The following AAK1 variants were observed in gnomAD, a reference collection of about 807,000 sequenced individuals.
AAK1 encodes AP2 associated kinase 1, also known as AP2-associated protein kinase 1.
AAK1 carries 37 observed loss-of-function variants against 116.0 expected under a neutral mutation model. The observed-to-expected ratio is 0.32, with a 90% CI of 0.25 to 0.42. The LOEUF (loss-of-function observed/expected upper bound fraction) is 0.42. AAK1 is among the 10% of genes least tolerant of loss of function. AAK1 has a pLI of 1.00. For synonymous variants in AAK1, 458 were observed against 439.9 expected, an observed-to-expected ratio of 1.04 and a Z score of -0.51; for missense variants, 919 against 1,170.6, an observed-to-expected ratio of 0.79 and a Z score of 3.14.
At chr2:69,617,487 C>T (rs1324851774) in intron 2 of AAK1, among the ~76,000 whole-genome samples, 1 of 152,198 alleles carries the variant, frequency 6.6e-6, no homozygotes, top group Non-Finnish European at 1.5e-5. Flanking sequence ...TAATTTAATA[C>T]CTACTTCCTA....
intron 6 of AAK1, 78 bp from the exon 7 acceptor site, chr2:69,530,784 T>C: frequency 8.7e-7 from 1 of 1,146,912 alleles, no homozygotes; most frequent in East Asian, 2.5e-5. Context: ...AATACTTTTT[T>C]TCTTTTTACA....
At chr2:69,613,690 T>G (rs1247019560) in intron 2 of AAK1, among the ~76,000 whole-genome samples, 2 of 152,210 alleles carry the variant, frequency 1.3e-5, no homozygotes, top group Non-Finnish European at 2.9e-5. Context: ...TATGTGGAGG[T>G]ACCTGGAGGG....
chr2:69,481,171 CTTTCT>C (rs2104894697), intron 18 of AAK1: 1 of 399,386 alleles, frequency 2.5e-6, no homozygotes, highest in Non-Finnish European at 4.5e-6. Flanking sequence ...CATGTGAAGA[CTTTCT>C]TTTAACAGGT....
In AAK1 at chr2:69,471,317, A is replaced by G; in HGVS notation, c.*4552T>C. On this transcript the variant is annotated 3_prime_UTR_variant, in exon 22 of 22. Coordinates refer to ENST00000409085, the MANE Select transcript of AAK1 (RefSeq NM_014911.5). Reference sequence around the variant, plus strand: ...AGTGAAAGGAAATCTGGGAGAAGCAAAAGAGGTTTCTTGTTATAGATTTCC... The same window carrying G: ...AGTGAAAGGAAATCTGGGAGAAGCAGAAGAGGTTTCTTGTTATAGATTTCC... 5.1e-6 allele frequency: 5 copies of G among 985,464 alleles called. No individual in the cohort carries two copies. Among genetic ancestry groups the G allele is most frequent in the Non-Finnish European group, 6.0e-6 (5 of 829,928 alleles). 61.0% of individuals were successfully genotyped at this position (985,464 alleles called of 1,614,324 possible). A position where few individuals can be genotyped will look rare whatever the true frequency, so the allele number is the denominator to read the frequency against.
rs556803000 is a variant in AAK1, at chr2:69,471,463, T to C, written c.*4406A>G. 16 of 985,468 alleles carry C rather than the reference T, an allele frequency of 1.6e-5. No individual in the cohort carries two copies. Among genetic ancestry groups the C allele is most frequent in the Non-Finnish European group, 1.9e-5 (16 of 829,928 alleles). The allele number at this position is 985,468 out of a possible 1,614,324, so 61.0% of individuals were successfully genotyped here. A position where few individuals can be genotyped will look rare whatever the true frequency, so the allele number is the denominator to read the frequency against. On this transcript the variant is annotated 3_prime_UTR_variant, in exon 22 of 22. Coordinates refer to ENST00000409085, the MANE Select transcript of AAK1 (RefSeq NM_014911.5). Reference sequence around the variant, plus strand: ...TATAGCCTTTAGAGAGGAATAAAGATAGCTTTGCAGTATCTGGAGTGTTTC... The same window carrying C: ...TATAGCCTTTAGAGAGGAATAAAGACAGCTTTGCAGTATCTGGAGTGTTTC...
chr2:69,465,517 T>C lies in AAK1; in HGVS notation c.*10352A>G, dbSNP rs186879698. The C allele has an allele frequency of 5.3e-4, 679 of 1,290,884 alleles. No homozygotes were observed. Among genetic ancestry groups the C allele is most frequent in the Non-Finnish European group, 6.5e-4 (645 of 988,872 alleles). The allele number at this position is 1,290,884 out of a possible 1,614,324, so 80.0% of individuals were successfully genotyped here. The stretch of plus-strand genomic sequence containing the variant: ...GTAGTCCTGGAGGAAAGGGATGTGA[T>C]AGAAACAGACCCAGCTATCGACTGC... On this transcript the variant is annotated 3_prime_UTR_variant, in exon 22 of 22. Coordinates refer to ENST00000409085, the MANE Select transcript of AAK1 (RefSeq NM_014911.5).
At chr2:69,569,181 C>A (rs1489605511) in intron 2 of AAK1, among the ~76,000 whole-genome samples, 1 of 152,160 alleles carries the variant, frequency 6.6e-6, no homozygotes, top group Non-Finnish European at 1.5e-5. Flanking sequence ...AGTCCAAATT[C>A]CTTAATGCAG....
In AAK1 at chr2:69,465,363, A is replaced by C; in HGVS notation, c.*10506T>G. ...TTCTTCTTCAGAAGGCTAAGCTGGG[A>C]GTGCCATGGCGGGTATTGAGGGTGG... On this transcript the variant is annotated 3_prime_UTR_variant, in exon 22 of 22. Transcript: ENST00000409085. The C allele has an allele frequency of 4.3e-6, 5 of 1,172,986 alleles. No individual in the cohort carries two copies. Among genetic ancestry groups the C allele is most frequent in the Non-Finnish European group, 4.4e-6 (4 of 919,468 alleles). 72.7% of individuals were successfully genotyped at this position (1,172,986 alleles called of 1,614,324 possible).
intron 19 of AAK1, among the ~76,000 whole-genome samples, chr2:69,479,787 G>C (rs1029705489): frequency 6.6e-6 from 1 of 152,126 alleles, no homozygotes; most frequent in Non-Finnish European, 1.5e-5. Flanking sequence ...ACGGAGTCTC[G>C]CTCCAGCTCC....
Position 69,530,719 on chromosome 2 carries a change from G to A in AAK1, c.657-13C>T, listed in dbSNP as rs774783612. The A allele has an allele frequency of 6.3e-7, 1 of 1,598,840 alleles. No individual in the cohort carries two copies. Among genetic ancestry groups the A allele is most frequent in the Non-Finnish European group, 8.6e-7 (1 of 1,167,254 alleles). ...CAGCGTTGTGTATCTACAATCAAGA[G>A]ATTCATTTTTTATTAAATATGTCAA... On this transcript the variant is annotated splice_polypyrimidine_tract_variant and intron_variant, in intron 6 of 21. Transcript: ENST00000409085.
rs190978290 is a variant in AAK1, at chr2:69,618,977, C to T, written c.163+23901G>A. Among the ~76,000 whole-genome samples, 565 of 152,296 alleles carry T rather than the reference C, an allele frequency of 3.7e-3. 5 individuals are homozygous for T. The highest frequency in any genetic ancestry group is 5.4e-3 in the Non-Finnish European group (369 of 68,032). ...TTCTTTCAATCAACCAATCAACCCC[C>T]TGCTTAGACAGGCTTGTCTCCCCAT... On this transcript the variant is annotated intron_variant, in intron 2 of 21. Coordinates refer to ENST00000409085, the MANE Select transcript of AAK1 (RefSeq NM_014911.5).
intron 2 of AAK1, among the ~76,000 whole-genome samples, chr2:69,577,901 T>C (rs1672379235): frequency 6.6e-6 from 1 of 152,172 alleles, no homozygotes; most frequent in Non-Finnish European, 1.5e-5. Context: ...TTCTATTTAT[T>C]TTCACCATTC....
intron 2 of AAK1, among the ~76,000 whole-genome samples, chr2:69,593,845 A>G (rs1026682859): frequency 1.3e-5 from 2 of 152,220 alleles, no homozygotes; most frequent in African/African-American, 2.4e-5. Flanking sequence ...AGAGTGTACA[A>G]TGCTACTTCC....
At chr2:69,581,644 T>C (rs1253369887) in intron 2 of AAK1, among the ~76,000 whole-genome samples, 1 of 152,054 alleles carries the variant, frequency 6.6e-6, no homozygotes, top group African/African-American at 2.4e-5. Context: ...TGATAACAGG[T>C]TGAAAATTGA....
chr2:69,553,893 T>C (rs964086089), intron 3 of AAK1, among the ~76,000 whole-genome samples: 3 of 148,666 alleles, frequency 2.0e-5, no homozygotes, highest in African/African-American at 7.5e-5. Context: ...CTGGGCAACA[T>C]AGCAAGACCT....
chr2:69,469,770 A>G lies in AAK1; in HGVS notation c.*6099T>C. The G allele has an allele frequency of 9.1e-6, 9 of 985,468 alleles. No individual in the cohort carries two copies. The highest frequency in any genetic ancestry group is 1.1e-5 in the Non-Finnish European group (9 of 829,942). 61.0% of individuals were successfully genotyped at this position (985,468 alleles called of 1,614,324 possible). On this transcript the variant is annotated 3_prime_UTR_variant, in exon 22 of 22. Transcript: ENST00000409085. ...TATTTTGGTTTCACACATAAAATTA[A>G]GCAAGAAGTCAAAACATACTTCTTT... is the stretch of plus-strand genomic sequence containing the variant.
chr2:69,465,351 G>A lies in AAK1; in HGVS notation c.*10518C>T, dbSNP rs967273114. ...AACTGATAATATTTCTTCTTCAGAA[G>A]GCTAAGCTGGGAGTGCCATGGCGGG... On this transcript the variant is annotated 3_prime_UTR_variant, in exon 22 of 22. Transcript: ENST00000409085. 2.6e-6 allele frequency: 3 copies of A among 1,159,888 alleles called. No individual in the cohort carries two copies. Among genetic ancestry groups the A allele is most frequent in the Non-Finnish European group, 3.3e-6 (3 of 910,894 alleles). The allele number at this position is 1,159,888 out of a possible 1,614,324, so 71.8% of individuals were successfully genotyped here. A position where few individuals can be genotyped will look rare whatever the true frequency, so the allele number is the denominator to read the frequency against.
intron 2 of AAK1, among the ~76,000 whole-genome samples, chr2:69,591,852 A>G (rs1292587207): frequency 6.6e-6 from 1 of 152,178 alleles, no homozygotes; most frequent in Non-Finnish European, 1.5e-5. Flanking sequence ...TACAGGCGTG[A>G]GCCACTGCGC....
At chr2:69,550,600 T>C (rs1181583382) in intron 3 of AAK1, among the ~76,000 whole-genome samples, 1 of 151,722 alleles carries the variant, frequency 6.6e-6, no homozygotes, top group African/African-American at 2.4e-5. Context: ...CGGCCTCTTT[T>C]TTTTTTCTAT....
Sources: gnomAD v4.1 joint callset for allele counts (sites outside exome capture counted in the v4.1 genomes callset) on GRCh38, gnomAD v4.1.1 for gene constraint, MANE v1.5 for transcripts, NCBI Gene and HGNC (gene_info 2026-07-23, HGNC 2026-07-21) for gene names.